Variants in GUCY1A2 observed in about 807,000 individuals in gnomAD.
GUCY1A2 encodes the protein guanylate cyclase soluble subunit alpha-2.
In GUCY1A2, 27 loss-of-function variants were observed where a neutral mutation model predicts 63.5. The ratio of observed to expected loss-of-function variants is 0.43; its 90% confidence interval spans 0.31 to 0.59. The LOEUF (loss-of-function observed/expected upper bound fraction) is 0.59, where lower values mean the gene tolerates loss of function less well. Ranked by LOEUF, GUCY1A2 falls within the 20% of genes least tolerant of loss-of-function variation. The pLI is 0.11. For missense variants in GUCY1A2, 768 were observed against 913.3 expected, an observed-to-expected ratio of 0.84 and a Z score of 2.05; for synonymous variants, 364 against 343.5, an observed-to-expected ratio of 1.06 and a Z score of -0.66.
chr11:106,906,300 A>T (rs568626119), intron 4 of GUCY1A2, among the ~76,000 whole-genome samples: 1 of 152,232 alleles, frequency 6.6e-6, no homozygotes, highest in Non-Finnish European at 1.5e-5. Flanking sequence ...GACACTTCTC[A>T]AAAGAAGACA....
At chr11:106,981,666 A>G (rs1861337656) in intron 2 of GUCY1A2, among the ~76,000 whole-genome samples, 2 of 152,090 alleles carry the variant, frequency 1.3e-5, no homozygotes, top group Admixed American at 6.6e-5. Context: ...TGAGCCATAG[A>G]CCAGTAGGAA....
At chr11:106,827,659 G>C (rs999537027) in intron 4 of GUCY1A2, 1 of 1,540,574 alleles carries the variant, frequency 6.5e-7, no homozygotes, top group African/African-American at 1.4e-5. Flanking sequence ...TTGATGTTGG[G>C]AAAGCGTTTT....
intron 4 of GUCY1A2, among the ~76,000 whole-genome samples, chr11:106,925,173 CAG>C (rs1860505090): frequency 6.6e-6 from 1 of 151,228 alleles, no homozygotes; most frequent in Non-Finnish European, 1.5e-5. Context: ...GAGAGAGAGA[CAG>C]AGAGAAAGAA....
At chr11:106,839,570 T>C (rs1354740304) in intron 4 of GUCY1A2, among the ~76,000 whole-genome samples, 2 of 151,912 alleles carry the variant, frequency 1.3e-5, no homozygotes, top group Non-Finnish European at 2.9e-5. Flanking sequence ...GTATGTTTAT[T>C]GCGGCACTAC....
At chr11:106,795,866 T>C (rs1231767675) in intron 5 of GUCY1A2, among the ~76,000 whole-genome samples, 1 of 152,158 alleles carries the variant, frequency 6.6e-6, no homozygotes, top group Non-Finnish European at 1.5e-5. Context: ...ACTAAGAATT[T>C]AGAATATTAG....
In GUCY1A2 at chr11:106,687,386, T is replaced by G. The variant is rs1207707967; in HGVS notation, c.*163A>C. ...TCCTCCGGCTTTTTATTGACAGCGGTCACCTCCACCTTTTAGTAGGATTAT... is the reference window on the plus strand; with the variant it reads ...TCCTCCGGCTTTTTATTGACAGCGGGCACCTCCACCTTTTAGTAGGATTAT... On this transcript the variant is annotated 3_prime_UTR_variant, in exon 8 of 8. Coordinates refer to ENST00000526355, the MANE Select transcript of GUCY1A2 (RefSeq NM_000855.3). 6.4e-6 allele frequency: 4 copies of G among 627,724 alleles called. No homozygotes were observed. Among genetic ancestry groups the G allele is most frequent in the Admixed American group, 2.8e-5 (1 of 35,946 alleles). 38.9% of individuals were successfully genotyped at this position (627,724 alleles called of 1,614,324 possible).
At chr11:106,717,180 G>C (rs895019527) in intron 6 of GUCY1A2, among the ~76,000 whole-genome samples, 3 of 152,188 alleles carry the variant, frequency 2.0e-5, no homozygotes, top group African/African-American at 4.8e-5. Flanking sequence ...ACTCTTAAAA[G>C]ATACTCTAGC....
Position 106,684,554 on chromosome 11 carries a change from T to G in GUCY1A2, c.*2995A>C, listed in dbSNP as rs1467464571. The G allele has an allele frequency of 5.1e-6, 1 of 197,786 alleles. No individual in the cohort carries two copies. The highest frequency in any genetic ancestry group is 1.0e-5 in the Non-Finnish European group (1 of 95,568). The allele number at this position is 197,786 out of a possible 1,614,324, so 12.3% of individuals were successfully genotyped here. On this transcript the variant is annotated 3_prime_UTR_variant, in exon 8 of 8. Transcript: ENST00000526355. Reference sequence around the variant, plus strand: ...GATTTTGTTAGATAACTGATTTATTTGCAAATGATGACATTCTCTCCATCA... The same window carrying G: ...GATTTTGTTAGATAACTGATTTATTGGCAAATGATGACATTCTCTCCATCA...
chr11:106,963,710 G>A (rs1240440947), intron 3 of GUCY1A2, among the ~76,000 whole-genome samples: 6 of 152,234 alleles, frequency 3.9e-5, no homozygotes, highest in South Asian at 4.1e-4. Flanking sequence ...GCATTCATAG[G>A]TGATACTAGG....
chr11:106,982,216 T>C (rs1861345817), intron 2 of GUCY1A2, among the ~76,000 whole-genome samples: 1 of 151,992 alleles, frequency 6.6e-6, no homozygotes, highest in South Asian at 2.1e-4. Flanking sequence ...TTCCACAACA[T>C]ACAAAGAGAA....
Position 106,993,496 on chromosome 11 carries a change from CCT to C in GUCY1A2, c.304-7367_304-7366del, listed in dbSNP as rs1164633869. Among the ~76,000 whole-genome samples the C allele has an allele frequency of 3.3e-5, 5 of 151,908 alleles. No individual in the cohort carries two copies. In the East Asian group the frequency reaches 7.7e-4, roughly 24 times the overall value. On this transcript the variant is annotated intron_variant, in intron 1 of 7. Coordinates refer to ENST00000526355, the MANE Select transcript of GUCY1A2 (RefSeq NM_000855.3). ...CCAGACATAATGTTTACTTTCCCAG[CCT>C]CTGACTAAACTTACTACATATAAGC... is the stretch of plus-strand genomic sequence containing the variant.
rs1466630813 is a variant in GUCY1A2, at chr11:106,680,972, G to T, written c.*6577C>A. 2 of 203,408 alleles carry T rather than the reference G, an allele frequency of 9.8e-6. No individual in the cohort carries two copies. The highest frequency in any genetic ancestry group is 2.0e-5 in the Non-Finnish European group (2 of 99,228). The allele number at this position is 203,408 out of a possible 1,614,324, so 12.6% of individuals were successfully genotyped here. ...AACATAAATTTACTAGTTGATTTTA[G>T]CTGTAATCCTTATACATTATTCTAA... On this transcript the variant is annotated 3_prime_UTR_variant, in exon 8 of 8. Coordinates refer to ENST00000526355, the MANE Select transcript of GUCY1A2 (RefSeq NM_000855.3).
intron 6 of GUCY1A2, among the ~76,000 whole-genome samples, chr11:106,710,777 G>A (rs1473915914): frequency 6.6e-6 from 1 of 151,968 alleles, no homozygotes; most frequent in Non-Finnish European, 1.5e-5. Flanking sequence ...AGTGGGAGAT[G>A]ATATCCTTAG....
Position 106,722,252 on chromosome 11 carries a change from T to C in GUCY1A2, c.1837-13586A>G, listed in dbSNP as rs191222339. Among the ~76,000 whole-genome samples the C allele has an allele frequency of 8.0e-4, 121 of 152,120 alleles. 1 individual carries two copies. Among genetic ancestry groups the C allele is most frequent in the Middle Eastern group, 3.4e-3 (1 of 294 alleles). ...AGAAGCACCATTTAAACAAGAAATC[T>C]TGAATCAATGCTTTATTCCTAGTCC... On this transcript the variant is annotated intron_variant, in intron 6 of 7. Coordinates refer to ENST00000526355, the MANE Select transcript of GUCY1A2 (RefSeq NM_000855.3).
At chr11:106,752,539 G>A (rs1017996577) in intron 6 of GUCY1A2, among the ~76,000 whole-genome samples, 4 of 151,938 alleles carry the variant, frequency 2.6e-5, no homozygotes, top group African/African-American at 9.7e-5. Flanking sequence ...AGGCCCTGGT[G>A]TGTGATGTTC....
intron 5 of GUCY1A2, among the ~76,000 whole-genome samples, chr11:106,791,477 TTGTGTG>T (rs3042503): frequency 6.6e-6 from 1 of 151,058 alleles, no homozygotes; most frequent in South Asian, 2.1e-4. Context: ...ATGGAGGTAT[TTGTGTG>T]TGTGTGTGTG....
At chr11:106,708,853 G>C (rs1287069813) in intron 6 of GUCY1A2, among the ~76,000 whole-genome samples, 187 bp from the exon 7 acceptor site, 1 of 151,392 alleles carries the variant, frequency 6.6e-6, no homozygotes, top group Non-Finnish European at 1.5e-5. Context: ...GCTCAAAGAA[G>C]ATAAATGCTA....
intron 4 of GUCY1A2, among the ~76,000 whole-genome samples, chr11:106,890,269 A>G (rs1859955833): frequency 6.6e-6 from 1 of 152,204 alleles, no homozygotes; most frequent in South Asian, 2.1e-4. Flanking sequence ...TCTTAAGTGC[A>G]CTTGTAATTG....
At chr11:106,739,361 A>G (rs985675613) in intron 6 of GUCY1A2, among the ~76,000 whole-genome samples, 1 of 152,200 alleles carries the variant, frequency 6.6e-6, no homozygotes, top group Non-Finnish European at 1.5e-5. Flanking sequence ...TCTCTTCCTA[A>G]CTGAATTCCC....
Sources: allele counts gnomAD v4.1 joint callset (sites outside exome capture counted in the v4.1 genomes callset), GRCh38; gene constraint gnomAD v4.1.1; transcripts MANE v1.5; gene names NCBI Gene and HGNC (gene_info 2026-07-23, HGNC 2026-07-21).